Variants in SLC9C1 observed in about 807,000 individuals in gnomAD.
The protein encoded by SLC9C1 is solute carrier family 9 member C1.
SLC9C1 carries 97 observed loss-of-function variants against 140.9 expected under a neutral mutation model. The ratio of observed to expected loss-of-function variants is 0.69; its 90% CI spans 0.58 to 0.82. The LOEUF is 0.82. Ranked by LOEUF, SLC9C1 falls within the 40% of genes least tolerant of loss-of-function variation. The probability of loss-of-function intolerance (pLI) is 0.00; values close to 1 mark genes in which losing one functional copy is unlikely to be tolerated. For missense variants in SLC9C1, 1,340 were observed against 1,389.3 expected (o/e 0.96, Z 0.56); for synonymous variants, 440 against 442.6 (o/e 0.99, Z 0.07).
chr3:112,188,762 G>A (rs1283115151), intron 20 of SLC9C1, among the ~76,000 whole-genome samples: 5 of 152,162 alleles, frequency 3.3e-5, no homozygotes, highest in Non-Finnish European at 4.4e-5. Context: ...GTAATGGGAT[G>A]GCTGGGTCAA....
chr3:112,252,247 C>G (rs1325003034), intron 10 of SLC9C1, among the ~76,000 whole-genome samples: 2 of 152,058 alleles, frequency 1.3e-5, no homozygotes, highest in African/African-American at 4.8e-5. Context: ...TGCAGCTGCT[C>G]TATGGATAAA....
intron 26 of SLC9C1, among the ~76,000 whole-genome samples, chr3:112,155,433 T>C (rs1350559802): frequency 1.3e-5 from 2 of 152,182 alleles, no homozygotes; most frequent in Non-Finnish European, 2.9e-5. Flanking sequence ...ACAGACAGAC[T>C]AGCAAACATA....
At position 112,204,280 on chromosome 3, in the gene SLC9C1, C is replaced by A; in HGVS notation, c.2110G>T (p.Glu704Ter). ...EIDTIKYIFN[E>*]TEVIVFIKVV... The stretch of plus-strand genomic sequence containing the variant: ...TTTATAAAGACTATTACTTCAGTCT[C>A]ATTAAAAATATACTTAATGGTGTCT... The change falls in exon 17 of 29, where the codon GAG (glutamate) becomes TAG (stop). Residue 704 changes from glutamate (E) to a stop codon, truncating the protein, a stop_gained. Transcript: ENST00000305815. LOFTEE classifies it high-confidence loss of function. 6.4e-7 allele frequency: 1 copy of A among 1,551,790 alleles called. No homozygotes were observed. The highest frequency in any genetic ancestry group is 8.6e-7 in the Non-Finnish European group (1 of 1,157,924).
chr3:112,285,513 G>T (rs9851141), intron 2 of SLC9C1, among the ~76,000 whole-genome samples: 105,377 of 152,070 alleles, frequency 0.69, 36,940 homozygotes, highest in East Asian at 1. Context: ...AGTGCTGGGA[G>T]TATAGGCATC....
chr3:112,151,389 C>A (rs185796901), intron 28 of SLC9C1: 3 of 519,016 alleles, frequency 5.8e-6, no homozygotes, highest in Non-Finnish European at 1.2e-5. Context: ...TTCTCACAGC[C>A]AGCCATTTCT....
chr3:112,221,781 C>A (rs1373415671), intron 13 of SLC9C1, among the ~76,000 whole-genome samples: 2 of 152,162 alleles, frequency 1.3e-5, no homozygotes, highest in African/African-American at 4.8e-5. Context: ...CTTCTTCATT[C>A]AATACATATA....
intron 25 of SLC9C1, among the ~76,000 whole-genome samples, chr3:112,168,423 A>T (rs2107916581): frequency 6.6e-6 from 1 of 152,008 alleles, no homozygotes; most frequent in African/African-American, 2.4e-5. Context: ...AGGGGAACTC[A>T]ATTAGCAATT....
chr3:112,242,758 T>C (rs955351608), intron 11 of SLC9C1, among the ~76,000 whole-genome samples: 10 of 152,138 alleles, frequency 6.6e-5, no homozygotes, highest in African/African-American at 2.4e-4. Flanking sequence ...TATTACACAT[T>C]CTATACCCGT....
intron 11 of SLC9C1, among the ~76,000 whole-genome samples, chr3:112,242,709 A>G (rs1284163580): frequency 6.6e-6 from 1 of 152,208 alleles, no homozygotes; most frequent in East Asian, 1.9e-4. Context: ...CAAAGGATAA[A>G]CACCTGAGGT....
intron 17 of SLC9C1, among the ~76,000 whole-genome samples, chr3:112,203,498 C>T (rs2077961529): frequency 2.0e-5 from 3 of 151,966 alleles, no homozygotes; most frequent in Admixed American, 6.6e-5. Context: ...TTATTCCTTG[C>T]ATGTGTAAGA....
chr3:112,234,337 T>G (rs1008793524), intron 12 of SLC9C1, among the ~76,000 whole-genome samples: 8 of 152,238 alleles, frequency 5.3e-5, no homozygotes, highest in Non-Finnish European at 8.8e-5. Flanking sequence ...TTGTTTTTAC[T>G]TGTAAATCTC....
intron 20 of SLC9C1, among the ~76,000 whole-genome samples, chr3:112,188,314 C>G (rs949352705): frequency 1.3e-5 from 2 of 151,908 alleles, no homozygotes; most frequent in African/African-American, 2.4e-5. Flanking sequence ...TATACTTGTG[C>G]CGTGTTGGTT....
intron 13 of SLC9C1, among the ~76,000 whole-genome samples, chr3:112,223,866 C>T (rs2078608161): frequency 1.3e-5 from 2 of 152,154 alleles, no homozygotes; most frequent in Admixed American, 6.5e-5. Flanking sequence ...AAAAATATTA[C>T]CTAGGTTTAC....
chr3:112,174,354 G>C (rs953822322), intron 23 of SLC9C1, among the ~76,000 whole-genome samples: 1 of 152,136 alleles, frequency 6.6e-6, no homozygotes, highest in African/African-American at 2.4e-5. Context: ...GGGGATCAGG[G>C]GGCCAAAAGC....
chr3:112,217,702 G>T, intron 14 of SLC9C1, 141 bp from the exon 15 acceptor site: 1 of 667,000 alleles, frequency 1.5e-6, no homozygotes, highest in Non-Finnish European at 2.3e-6. Context: ...GTTGGATTAA[G>T]ACATTTTCAT....
At chr3:112,280,061 G>T (rs4234415) in intron 3 of SLC9C1, among the ~76,000 whole-genome samples, 88,230 of 152,072 alleles carry the variant, frequency 0.58, 26,240 homozygotes, top group East Asian at 0.79. Context: ...ACATGTAAAG[G>T]AGTAAACTGC....
chr3:112,267,154 C>A (rs1002068015), intron 7 of SLC9C1, among the ~76,000 whole-genome samples: 1 of 152,072 alleles, frequency 6.6e-6, no homozygotes, highest in South Asian at 2.1e-4. Flanking sequence ...TGGCACATGC[C>A]TGTAGTACCA....
rs868080858 is a variant in SLC9C1 at position 112,260,680 on chromosome 3, A to G, written c.1197+2244T>C. ...TAAAATACACATTTCTTTAGGGCAT[A>G]ATTCTTATTTCTAAGACATGGTCTT... On this transcript the variant is annotated intron_variant, in intron 10 of 28. Transcript: ENST00000305815. 2.6e-5 allele frequency among the ~76,000 whole-genome samples: 4 copies of G among 152,086 alleles called. No individual in the cohort carries two copies. In the South Asian group the frequency reaches 8.3e-4, roughly 31 times the overall value.
At chr3:112,199,049 T>G (rs903507672) in intron 20 of SLC9C1, among the ~76,000 whole-genome samples, 1 of 150,776 alleles carries the variant, frequency 6.6e-6, no homozygotes, top group East Asian at 1.9e-4. Flanking sequence ...CACTGTAATC[T>G]AGGATGACGA....
Sources: gnomAD v4.1 joint callset for allele counts (sites outside exome capture counted in the v4.1 genomes callset) on GRCh38, gnomAD v4.1.1 for gene constraint, MANE v1.5 for transcripts, NCBI Gene and HGNC (gene_info 2026-07-23, HGNC 2026-07-21) for gene names.